LBR: variants seen among roughly 807,000 people sequenced by gnomAD.
The protein encoded by LBR is lamin B receptor, also known as delta(14)-sterol reductase LBR.
Under a neutral mutation model 74.3 loss-of-function variants are expected in LBR, and 28 were observed. That is an observed-to-expected ratio of 0.38 (90% CI 0.28 to 0.52). The LOEUF is 0.52. Among genes scored for constraint, LBR ranks in the 20% least tolerant of loss-of-function variants. The pLI is 0.89. For synonymous variants in LBR, 228 were observed against 269.3 expected, an observed-to-expected ratio of 0.85 and a Z score of 1.50; for missense variants, 717 against 760.3, an observed-to-expected ratio of 0.94 and a Z score of 0.67.
chr1:225,410,161 C>G, intron 10 of LBR, 130 bp downstream of exon 10: 2 of 1,407,808 alleles, frequency 1.4e-6, no homozygotes, highest in Non-Finnish European at 2.0e-6. Flanking sequence ...TGGCCTCGTC[C>G]TCCTCTCAAG....
chr1:225,404,018 C>T (rs1378306687), intron 13 of LBR, among the ~76,000 whole-genome samples: 1 of 151,836 alleles, frequency 6.6e-6, no homozygotes, highest in African/African-American at 2.4e-5. Flanking sequence ...CCCTGCTTTC[C>T]CAGCTCCCCA....
At chr1:225,423,394 G>A (rs1224306864) in intron 2 of LBR, among the ~76,000 whole-genome samples, 2 of 151,956 alleles carry the variant, frequency 1.3e-5, no homozygotes, top group Non-Finnish European at 1.5e-5. Flanking sequence ...CCAAACCCTT[G>A]GGCATGGAAT....
intron 8 of LBR, 71 bp from the exon 9 acceptor site, chr1:225,411,511 G>T: frequency 9.2e-7 from 1 of 1,085,724 alleles, no homozygotes; most frequent in Non-Finnish European, 1.4e-6. Context: ...CGGCACTGCC[G>T]CCCACTATCC....
Position 225,403,436 on chromosome 1 carries a change from T to A in LBR, c.1715A>T (p.Tyr572Phe). The A allele has an allele frequency of 6.2e-7, 1 of 1,612,470 alleles. No individual in the cohort carries two copies. Among genetic ancestry groups the A allele is most frequent in the Non-Finnish European group, 8.5e-7 (1 of 1,178,600 alleles). ...CGFNHILPYF[Y>F]IIYFTMLLVH... ...AAGCAACATGGTGAAATAAATTATG[T>A]AGAAATAAGGCAGAATGTGGTTAAA... The change falls in exon 14 of 14, where the codon TAC becomes TTC. Residue 572 changes from tyrosine to phenylalanine, a missense_variant. Tyr to Phe is a conservative substitution (Grantham distance 22). Transcript: ENST00000272163.
chr1:225,402,706 A>G lies in LBR; in HGVS notation c.*597T>C, dbSNP rs1037318610. 2 of 152,732 alleles carry G rather than the reference A, an allele frequency of 1.3e-5. No individual in the cohort carries two copies. The highest frequency in any genetic ancestry group is 2.4e-5 in the African/African-American group (1 of 41,470). 9.5% of individuals were successfully genotyped at this position (152,732 alleles called of 1,614,324 possible). ...ACTAAGCTATGTATTTACATTTTCA[A>G]TGTAGTTTTAGAAGTTGAGGTTAAG... On this transcript the variant is annotated 3_prime_UTR_variant, in exon 14 of 14. Transcript: ENST00000272163.
chr1:225,404,336 A>G, intron 13 of LBR, 68 bp downstream of exon 13: 1 of 1,607,368 alleles, frequency 6.2e-7, no homozygotes. Context: ...TGTCCCACAC[A>G]AAGGACACAC....
At chr1:225,420,165 C>T (rs2096125068) in intron 3 of LBR, among the ~76,000 whole-genome samples, 1 of 152,030 alleles carries the variant, frequency 6.6e-6, no homozygotes, top group African/African-American at 2.4e-5. Context: ...AAAAAATTAG[C>T]CACGCACGGT....
At position 225,419,442 on chromosome 1, in the gene LBR, C is replaced by T. The variant is rs2230419; in HGVS notation, c.461G>A (p.Ser154Asn). 1,313,175 of 1,609,378 alleles carry T rather than the reference C, an allele frequency of 0.82. 543,983 individuals are homozygous for T. Among genetic ancestry groups the T allele is most frequent in the East Asian group, 0.96 (43,142 of 44,868 alleles). ...TATGTAACTGCTTTCTTGTGACAAA[C>T]TGAATTTTTCCTAAATGAAAAATTT... ...APHKNTQEKF[S>N]LSQESSYIAT... Residue 154 changes from serine to asparagine, a missense_variant, in exon 5 of 14, where the codon AGT becomes AAT. Coordinates refer to ENST00000272163, the MANE Select transcript of LBR (RefSeq NM_002296.4).
intron 7 of LBR, chr1:225,414,244 G>A (rs1156755199): frequency 7.1e-6 from 3 of 423,636 alleles, no homozygotes; most frequent in African/African-American, 2.0e-5. Context: ...GGCAGAAGGT[G>A]TCTAAACTAT....
intron 10 of LBR, among the ~76,000 whole-genome samples, 173 bp downstream of exon 10, chr1:225,410,118 C>T (rs993024269): frequency 1.3e-5 from 2 of 152,218 alleles, no homozygotes; most frequent in Non-Finnish European, 2.9e-5. Context: ...AAACTTCCCA[C>T]CTGTCAGTGC....
intron 3 of LBR, 31 bp from the exon 4 acceptor site, chr1:225,419,829 A>C (rs1286246211): frequency 7.1e-7 from 1 of 1,408,230 alleles, no homozygotes; most frequent in East Asian, 2.3e-5. Flanking sequence ...ATTTAATCAA[A>C]AGAACTGTAA....
chr1:225,402,190 T>C lies in LBR; in HGVS notation c.*1113A>G, dbSNP rs2096082996. 6.6e-6 allele frequency: 1 copy of C among 152,034 alleles called. No homozygotes were observed. Among genetic ancestry groups the C allele is most frequent in the Non-Finnish European group, 1.5e-5 (1 of 68,000 alleles). 9.4% of individuals were successfully genotyped at this position (152,034 alleles called of 1,614,324 possible). On this transcript the variant is annotated 3_prime_UTR_variant, in exon 14 of 14. Transcript: ENST00000272163. ...TAAGACAGCACTCCTTTACAGGGAG[T>C]CAGGTTTGGTAAATATAAAGGATAC...
Position 225,424,008 on chromosome 1 carries a change from T to C in LBR, c.68A>G (p.Tyr23Cys), listed in dbSNP as rs749442728. ...GTCGTGGCTCAGAATTTCTACTTCA[T>C]AATAAAGTGAACTCCCAGGCCATCG... ...RGRWPGSSLY[Y>C]EVEILSHDST... is the part of the protein sequence containing the mutation. Residue 23 changes from tyrosine to cysteine, a missense_variant, in exon 2 of 14, where the codon TAT becomes TGT. Physicochemically the swap from Tyr to Cys is radical, Grantham distance 194 (BLOSUM62 -2). Coordinates refer to ENST00000272163, the MANE Select transcript of LBR (RefSeq NM_002296.4). The C allele has an allele frequency of 1.2e-6, 2 of 1,614,132 alleles. No homozygotes were observed. Among genetic ancestry groups the C allele is most frequent in the Non-Finnish European group, 8.5e-7 (1 of 1,179,992 alleles).
rs2096084058 is a variant in LBR at position 225,402,877 on chromosome 1, TTC to T, written c.*424_*425del. On this transcript the variant is annotated 3_prime_UTR_variant, in exon 14 of 14. Coordinates refer to ENST00000272163, the MANE Select transcript of LBR (RefSeq NM_002296.4). ...TAAAGAAAAACAAATGAAAATTCTA[TTC>T]TCTTACTGAATAAAACATAAATGTA... 1 of 164,430 alleles carries T rather than the reference TTC, an allele frequency of 6.1e-6. No individual in the cohort carries two copies. Among genetic ancestry groups the T allele is most frequent in the Non-Finnish European group, 1.3e-5 (1 of 75,460 alleles). The allele number at this position is 164,430 out of a possible 1,614,324, so 10.2% of individuals were successfully genotyped here.
At chr1:225,421,691 G>GA (rs1466137133) in intron 3 of LBR, among the ~76,000 whole-genome samples, 1 of 152,176 alleles carries the variant, frequency 6.6e-6, no homozygotes, top group Non-Finnish European at 1.5e-5. Flanking sequence ...TCTTTGAATA[G>GA]GTAAAGTGAT....
In LBR at chr1:225,403,252, C is replaced by A; in HGVS notation, c.*51G>T. ...TTTCGGATTTTTTTCCTTGTTTTTGCAAATGGCAGCTGGAATTGCAGGAGT... is the reference window on the plus strand; with the variant it reads ...TTTCGGATTTTTTTCCTTGTTTTTGAAAATGGCAGCTGGAATTGCAGGAGT... On this transcript the variant is annotated 3_prime_UTR_variant, in exon 14 of 14. Coordinates refer to ENST00000272163, the MANE Select transcript of LBR (RefSeq NM_002296.4). The A allele has an allele frequency of 6.3e-7, 1 of 1,577,814 alleles. No homozygotes were observed. Among genetic ancestry groups the A allele is most frequent in the Non-Finnish European group, 8.7e-7 (1 of 1,147,524 alleles).
intron 13 of LBR, 31 bp downstream of exon 13, chr1:225,404,373 G>C (rs1185737890): frequency 2.5e-6 from 4 of 1,613,144 alleles, no homozygotes; most frequent in African/African-American, 2.7e-5. Context: ...CGGCTAAAAG[G>C]GTCAAACTAG....
At chr1:225,420,286 G>T (rs1198070801) in intron 3 of LBR, among the ~76,000 whole-genome samples, 1 of 143,162 alleles carries the variant, frequency 7.0e-6, no homozygotes, top group African/African-American at 2.5e-5. Context: ...TCCAGCCTGG[G>T]CAACAAGAAT....
Position 225,418,088 on chromosome 1 carries a change from G to A in LBR, c.733C>T (p.Pro245Ser), listed in dbSNP as rs778270986. Residue 245 changes from proline (P) to serine (S), a missense_variant, in exon 6 of 14, where the codon CCT (proline) becomes TCT (serine). By Grantham distance (74) the Pro-to-Ser change is moderately conservative. Coordinates refer to ENST00000272163, the MANE Select transcript of LBR (RefSeq NM_002296.4). ...QKDPSLLNFP[P>S]PLPALYELWE... ...AACTCATACAAAGCTGGCAAAGGAG[G>A]AGGGAAATTCAGAAGACTGGGATCT... The A allele has an allele frequency of 3.1e-6, 5 of 1,614,194 alleles. No homozygotes were observed. The highest frequency in any genetic ancestry group is 1.6e-4 in the Middle Eastern group (1 of 6,062).
Sources: allele counts gnomAD v4.1 joint callset (sites outside exome capture counted in the v4.1 genomes callset), GRCh38; gene constraint gnomAD v4.1.1; transcripts MANE v1.5; gene names NCBI Gene and HGNC (gene_info 2026-07-23, HGNC 2026-07-21).